Variants in CUEDC1 observed in about 807,000 individuals in gnomAD.
CUEDC1 encodes the protein CUE domain containing 1, also known as CUE domain-containing protein 1.
Under a neutral mutation model 43.7 loss-of-function variants are expected in CUEDC1, and 30 were observed. The ratio of observed to expected loss-of-function variants is 0.69; its 90% CI spans 0.51 to 0.93. The LOEUF (loss-of-function observed/expected upper bound fraction) is 0.93, where lower values mean the gene tolerates loss of function less well. CUEDC1 is among the 40% of genes least tolerant of loss of function. The pLI is 0.00. For synonymous variants in CUEDC1, 223 were observed against 223.6 expected (o/e 1.00, Z 0.02); for missense variants, 486 against 549.0 (o/e 0.89, Z 1.15).
At chr17:57,948,249 G>T (rs2074975508) in intron 1 of CUEDC1, among the ~76,000 whole-genome samples, 1 of 152,190 alleles carries the variant, frequency 6.6e-6, no homozygotes, top group Non-Finnish European at 1.5e-5. Flanking sequence ...AACACTGTGT[G>T]TATGGGGGCT....
At chr17:57,890,309 C>CATGACCCAGACAGCATGGTAGCAAGG (rs1364733369) in intron 1 of CUEDC1, among the ~76,000 whole-genome samples, 14 of 152,246 alleles carry the variant, frequency 9.2e-5, no homozygotes, top group African/African-American at 3.4e-4. Context: ...GCACAGGAAA[C>CATGACCCAGACAGCATGGTAGCAAGG]ATGACCCAGA....
chr17:57,861,766 G>T lies in CUEDC1; in HGVS notation c.*1523C>A, dbSNP rs2073876828. ...CGCGGGGAAGGCTCAGAGACCCGTC[G>T]AGAACTCGAGCTGGGGTACCGAGGC... On this transcript the variant is annotated 3_prime_UTR_variant, in exon 11 of 11. Transcript: ENST00000577830. 1 of 152,116 alleles carries T rather than the reference G, an allele frequency of 6.6e-6. No individual in the cohort carries two copies. The highest frequency in any genetic ancestry group is 1.9e-4 in the East Asian group (1 of 5,142). 9.4% of individuals were successfully genotyped at this position (152,116 alleles called of 1,614,324 possible).
Position 57,885,761 on chromosome 17 carries a change from GC to G in CUEDC1, c.-198del. Reference sequence around the variant, plus strand: ...GAGTACGGGCGCGGGGCCCCAGGCAGCCCTTGGAGAGCGGTCCTCGCGGGGC... The same window carrying G: ...GAGTACGGGCGCGGGGCCCCAGGCAGCCTTGGAGAGCGGTCCTCGCGGGGC... On this transcript the variant is annotated 5_prime_UTR_variant, in exon 2 of 11. It introduces an in-frame stop codon into an upstream open reading frame of the 5' UTR. Coordinates refer to ENST00000577830, the MANE Select transcript of CUEDC1 (RefSeq NM_001271875.2). 1.2e-6 allele frequency: 1 copy of G among 826,804 alleles called. No homozygotes were observed. The highest frequency in any genetic ancestry group is 1.6e-6 in the Non-Finnish European group (1 of 614,350). 51.2% of individuals were successfully genotyped at this position (826,804 alleles called of 1,614,324 possible).
chr17:57,933,119 A>G lies in CUEDC1; in HGVS notation c.-316+22106T>C, dbSNP rs2074824846. Among the ~76,000 whole-genome samples, 2 of 152,122 alleles carry G rather than the reference A, an allele frequency of 1.3e-5. 1 individual carries two copies. Among genetic ancestry groups the G allele is most frequent in the South Asian group, 4.1e-4 (2 of 4,828 alleles). On this transcript the variant is annotated intron_variant, in intron 1 of 10. Coordinates refer to ENST00000577830, the MANE Select transcript of CUEDC1 (RefSeq NM_001271875.2). ...TGGTTCTCAACCCTGGCTGCCCAATAGAAACACCTGGGCAATGTATAAAAT... is the reference window on the plus strand; with the variant it reads ...TGGTTCTCAACCCTGGCTGCCCAATGGAAACACCTGGGCAATGTATAAAAT...
At chr17:57,893,767 T>G (rs533640650) in intron 1 of CUEDC1, among the ~76,000 whole-genome samples, 1 of 152,328 alleles carries the variant, frequency 6.6e-6, no homozygotes, top group South Asian at 2.1e-4. Flanking sequence ...CCTTGGGTAC[T>G]TCTCTGGACC....
chr17:57,905,829 G>A (rs967988682), intron 1 of CUEDC1, among the ~76,000 whole-genome samples: 6 of 152,166 alleles, frequency 3.9e-5, no homozygotes, highest in Non-Finnish European at 8.8e-5. Context: ...CAAATCCAAG[G>A]CAGCAGTTAC....
At chr17:57,946,275 A>G (rs955519497) in intron 1 of CUEDC1, among the ~76,000 whole-genome samples, 3 of 152,210 alleles carry the variant, frequency 2.0e-5, no homozygotes, top group African/African-American at 4.8e-5. Context: ...AAATTCAGTG[A>G]TTCTCTCTTT....
rs991761775 is a variant in CUEDC1, at chr17:57,885,834, C to G, written c.-270G>C. The G allele has an allele frequency of 3.3e-5, 11 of 336,070 alleles. No individual in the cohort carries two copies. The highest frequency in any genetic ancestry group is 5.8e-5 in the Non-Finnish European group (11 of 190,112). The allele number at this position is 336,070 out of a possible 1,614,324, so 20.8% of individuals were successfully genotyped here. A position where few individuals can be genotyped will look rare whatever the true frequency, so the allele number is the denominator to read the frequency against. ...GTGCTGGGGCTGGGCGGCCGGTCAT[C>G]CACACCCCCGGTGCATCCTGGCACC... is the stretch of plus-strand genomic sequence containing the variant. On this transcript the variant is annotated 5_prime_UTR_variant, in exon 2 of 11. Coordinates refer to ENST00000577830, the MANE Select transcript of CUEDC1 (RefSeq NM_001271875.2).
At chr17:57,925,868 G>A (rs1022965347) in intron 1 of CUEDC1, among the ~76,000 whole-genome samples, 5 of 152,240 alleles carry the variant, frequency 3.3e-5, no homozygotes, top group African/African-American at 1.2e-4. Context: ...TGCCAGCAAA[G>A]ATGCTCTCGA....
intron 1 of CUEDC1, among the ~76,000 whole-genome samples, chr17:57,929,722 C>G (rs895793851): frequency 3.3e-5 from 5 of 152,170 alleles, no homozygotes; most frequent in Admixed American, 1.3e-4. Context: ...ACAAGACACT[C>G]AAACAAGGTT....
chr17:57,866,496 C>G lies in CUEDC1; in HGVS notation c.1142G>C (p.Gly381Ala). ...TACCTCTTACTGTCCTTCTCGCAGG[C>G]CTTCCTCCACCTTGGGTGCCTCCTG... is the stretch of plus-strand genomic sequence containing the variant. The part of the protein sequence containing the change: ...RRQEAPKVEE[G>A]LREGQ The change falls in exon 10 of 11, where the codon GGC becomes GCC. Residue 381 changes from glycine (G) to alanine (A), a missense_variant. Transcript: ENST00000577830. 1 of 1,614,164 alleles carries G rather than the reference C, an allele frequency of 6.2e-7. No homozygotes were observed. Among genetic ancestry groups the G allele is most frequent in the Non-Finnish European group, 8.5e-7 (1 of 1,179,998 alleles).
At chr17:57,944,113 A>G (rs1381117745) in intron 1 of CUEDC1, among the ~76,000 whole-genome samples, 1 of 152,132 alleles carries the variant, frequency 6.6e-6, no homozygotes, top group Non-Finnish European at 1.5e-5. Context: ...TTGATTACAT[A>G]AATTAATATT....
In CUEDC1 at chr17:57,861,345, G is replaced by A. The variant is rs1017269659; in HGVS notation, c.*1944C>T. On this transcript the variant is annotated 3_prime_UTR_variant, in exon 11 of 11. Transcript: ENST00000577830. ...GTTTCCCTTGCCTGATACAGCAAGC[G>A]GTTTACAGTCCTGGGCCAAACAGGA... The A allele has an allele frequency of 6.6e-6, 1 of 152,230 alleles. No homozygotes were observed. The highest frequency in any genetic ancestry group is 2.4e-5 in the African/African-American group (1 of 41,460). The allele number at this position is 152,230 out of a possible 1,614,324, so 9.4% of individuals were successfully genotyped here. A position where few individuals can be genotyped will look rare whatever the true frequency, so the allele number is the denominator to read the frequency against.
chr17:57,879,186 A>G (rs1317053523), intron 3 of CUEDC1, among the ~76,000 whole-genome samples: 2 of 152,182 alleles, frequency 1.3e-5, no homozygotes, highest in Non-Finnish European at 2.9e-5. Context: ...TTCTGTGTTA[A>G]GGAGGATCTG....
Position 57,885,373 on chromosome 17 carries a change from G to A in CUEDC1, c.192C>T (p.Asp64=). The change falls in exon 2 of 11, where the codon GAC becomes GAT. Residue 64 remains aspartate (D), a synonymous_variant. Transcript: ENST00000577830. ...TGGCGCGCAGCACGCATTCGATGAT[G>A]TCGTAATCCATGTTGGGGAACATGG... ...FKTMFPNMDY[D]IIECVLRANS... The A allele has an allele frequency of 6.2e-7, 1 of 1,612,210 alleles. No individual in the cohort carries two copies. Among genetic ancestry groups the A allele is most frequent in the Non-Finnish European group, 8.5e-7 (1 of 1,179,732 alleles).
chr17:57,919,229 G>A (rs192989034), intron 1 of CUEDC1, among the ~76,000 whole-genome samples: 23 of 151,862 alleles, frequency 1.5e-4, no homozygotes, highest in African/African-American at 5.6e-4. Context: ...ATCCAGGCTG[G>A]AGTACAATGG....
chr17:57,932,646 G>C (rs1261464361), intron 1 of CUEDC1, among the ~76,000 whole-genome samples: 1 of 146,822 alleles, frequency 6.8e-6, no homozygotes, highest in Non-Finnish European at 1.5e-5. Context: ...TGGATCATTT[G>C]AGGTCAGGAG....
At position 57,886,066 on chromosome 17, in the gene CUEDC1, A is replaced by T. The variant is rs181048845; in HGVS notation, c.-315-187T>A. On this transcript the variant is annotated intron_variant, in intron 1 of 10. Coordinates refer to ENST00000577830, the MANE Select transcript of CUEDC1 (RefSeq NM_001271875.2). ...AATCCCCACAGTTCTTTACTAGCAC[A>T]GGACAGCCACCAGTTAGCAAGGGAT... is the stretch of plus-strand genomic sequence containing the variant. 2.5e-3 allele frequency among the ~76,000 whole-genome samples: 382 copies of T among 152,332 alleles called. 7 individuals carry two copies. The highest frequency in any genetic ancestry group is 8.8e-3 in the African/African-American group (364 of 41,578).
chr17:57,900,039 A>G (rs528513336), intron 1 of CUEDC1, among the ~76,000 whole-genome samples: 6 of 152,210 alleles, frequency 3.9e-5, no homozygotes, highest in African/African-American at 1.4e-4. Context: ...GAAGTGGCAC[A>G]CCCTGGCCAA....
Sources: gnomAD v4.1 joint callset for allele counts (sites outside exome capture counted in the v4.1 genomes callset) on GRCh38, gnomAD v4.1.1 for gene constraint, MANE v1.5 for transcripts, NCBI Gene and HGNC (gene_info 2026-07-23, HGNC 2026-07-21) for gene names.